ARID3C: variants seen among roughly 807,000 people sequenced by gnomAD.
ARID3C encodes the protein AT-rich interaction domain 3C.
Under a neutral mutation model 37.9 loss-of-function variants are expected in ARID3C, and 42 were observed. That is an observed-to-expected ratio of 1.11 (90% confidence interval 0.87 to 1.43). The LOEUF (loss-of-function observed/expected upper bound fraction) is 1.43. ARID3C is among the 40% of genes most tolerant of loss of function. ARID3C has a pLI of 0.00. For missense variants in ARID3C, 581 were observed against 548.8 expected (o/e 1.06, Z -0.59); for synonymous variants, 213 against 228.0 (o/e 0.93, Z 0.59).
At chr9:34,621,707 TG>T in intron 6 of ARID3C, 149 bp from the exon 8 acceptor site, 1 of 670,142 alleles carries the variant, frequency 1.5e-6, no homozygotes, top group South Asian at 1.9e-5. Context: ...ACAAGCTCCT[TG>T]GGTCAGTAAG....
intron 4 of ARID3C, among the ~76,000 whole-genome samples, chr9:34,623,159 A>G (rs1203899427): frequency 1.3e-5 from 2 of 150,906 alleles, no homozygotes; most frequent in Non-Finnish European, 3.0e-5. Flanking sequence ...AAAAAAAAAA[A>G]AAAAGAAAAA....
upstream of ARID3C, among the ~76,000 whole-genome samples, chr9:34,632,048 T>C (rs759217408): frequency 6.6e-5 from 10 of 152,272 alleles, no homozygotes; most frequent in Non-Finnish European, 1.5e-4. Context: ...CTGTTATTTA[T>C]GCCACATTAT....
At chr9:34,630,686 G>A (rs908216156), upstream of ARID3C, among the ~76,000 whole-genome samples, 1 of 152,016 alleles carries the variant, frequency 6.6e-6, no homozygotes, top group African/African-American at 2.4e-5. Context: ...TGCTCTCCCT[G>A]CCTCCAGCCG....
exon 3 of ARID3C, chr9:34,623,871 G>C (rs758739197): frequency 3.1e-6 from 5 of 1,596,142 alleles, no homozygotes; most frequent in Non-Finnish European, 4.2e-6. Flanking sequence ...CACTGGGTGC[G>C]TAGAGTGAAG....
chr9:34,629,073 G>A (rs1472430063), upstream of ARID3C, among the ~76,000 whole-genome samples: 1 of 152,058 alleles, frequency 6.6e-6, no homozygotes, highest in East Asian at 1.9e-4. Flanking sequence ...CGCTGCTTGC[G>A]GCGGCCGCGG....
upstream of ARID3C, among the ~76,000 whole-genome samples, chr9:34,631,693 T>C (rs1375423336): frequency 6.6e-6 from 1 of 152,200 alleles, no homozygotes; most frequent in East Asian, 1.9e-4. Context: ...CCTATTGCTG[T>C]GTAACAAATC....
chr9:34,628,286 A>T (rs77101490), upstream of ARID3C, among the ~76,000 whole-genome samples: 5,395 of 152,312 alleles, frequency 0.035, 135 homozygotes, highest in South Asian at 0.1. This position sits in a 1 kb window ranked among gnomAD's most constrained non-coding sequence, Gnocchi z 5.2. Context: ...GAGTGAGCAG[A>T]TCAGAGAGGG....
chr9:34,632,543 C>T (rs1012404576), upstream of ARID3C, among the ~76,000 whole-genome samples: 2 of 152,106 alleles, frequency 1.3e-5, no homozygotes, highest in African/African-American at 2.4e-5. Flanking sequence ...GCGTGAAGAT[C>T]AGTTAGGGGG....
In ARID3C at chr9:34,628,023, C is replaced by T. The variant is rs1482527858; in HGVS notation, c.-9G>A. 8 of 1,471,084 alleles carry T rather than the reference C, an allele frequency of 5.4e-6. No individual in the cohort carries two copies. Among genetic ancestry groups the T allele is most frequent in the Non-Finnish European group, 7.2e-6 (8 of 1,110,112 alleles). 91.1% of individuals were successfully genotyped at this position (1,471,084 alleles called of 1,614,324 possible). On this transcript the variant is annotated 5_prime_UTR_variant, in exon 1 of 7. Coordinates refer to ENST00000378909, the Ensembl canonical transcript of ARID3C. This position sits in a 1 kb window ranked among gnomAD's most constrained non-coding sequence, Gnocchi z 5.2. The stretch of plus-strand genomic sequence containing the variant: ...TTCTGCAGGGCCTCCATGACAGCTT[C>T]CAGGCGCAGTCCCCCAGCTGAGGGG...
Position 34,623,724 on chromosome 9 carries a change from G to C in ARID3C, c.576-10C>G. On this transcript the variant is annotated splice_polypyrimidine_tract_variant and intron_variant, in intron 3 of 6. Coordinates refer to ENST00000378909, the Ensembl canonical transcript of ARID3C. ...CAGGTACTTCATGTACCTAGGGGCG[G>C]ACAGCGGGCGGTGAGTGTATGGGAG... 1 of 1,518,776 alleles carries C rather than the reference G, an allele frequency of 6.6e-7. No individual in the cohort carries two copies. The highest frequency in any genetic ancestry group is 8.8e-7 in the Non-Finnish European group (1 of 1,134,242). The allele number at this position is 1,518,776 out of a possible 1,614,324, so 94.1% of individuals were successfully genotyped here.
exon 3 of ARID3C, chr9:34,623,890 G>C: frequency 6.2e-7 from 1 of 1,600,722 alleles, no homozygotes; most frequent in Non-Finnish European, 8.5e-7. Flanking sequence ...AGGCGGCCGA[G>C]GTGATGGTGG....
chr9:34,623,665 A>T, exon 4 of ARID3C: 2 of 1,585,508 alleles, frequency 1.3e-6, no homozygotes, highest in South Asian at 1.1e-5. Flanking sequence ...TCCCCTGGGG[A>T]GCTGAGCGCT....
Position 34,623,676 on chromosome 9 carries a change from C to G in ARID3C, c.614G>C (p.Arg205Pro), listed in dbSNP as rs1252466141. The G allele has an allele frequency of 2.5e-6, 4 of 1,578,718 alleles. No homozygotes were observed. The highest frequency in any genetic ancestry group is 2.3e-5 in the East Asian group (1 of 43,704). The change falls in exon 4 of 7, where the codon CGA becomes CCA. Residue 205 changes from arginine to proline, a missense_variant. Arg to Pro is a moderately radical substitution (Grantham distance 103). Transcript: ENST00000378909. ...GAGCTCCCCTGGGGAGCTGAGCGCT[C>G]GAGTCTCGCACTCGTACGGGTACAG...
intron 2 of ARID3C, among the ~76,000 whole-genome samples, chr9:34,625,385 C>A (rs1023359886): frequency 1.3e-5 from 2 of 152,168 alleles, no homozygotes; most frequent in African/African-American, 4.8e-5. Context: ...CGTGAGGTGT[C>A]CCCTGCCTGA....
chr9:34,632,139 A>C (rs1322446214), upstream of ARID3C, among the ~76,000 whole-genome samples: 2 of 152,212 alleles, frequency 1.3e-5, no homozygotes, highest in African/African-American at 4.8e-5. Context: ...GAGCATCAAA[A>C]ATTTTGTGAA....
At chr9:34,624,969 C>T (rs1820634419) in intron 2 of ARID3C, among the ~76,000 whole-genome samples, 1 of 151,964 alleles carries the variant, frequency 6.6e-6, no homozygotes, top group African/African-American at 2.4e-5. Flanking sequence ...GGACTTAGGT[C>T]CCTACTGAGG....
exon 1 of ARID3C, chr9:34,627,892 A>C: frequency 6.4e-7 from 1 of 1,563,522 alleles, no homozygotes; most frequent in Non-Finnish European, 8.7e-7. Context: ...AGGCCCCCTC[A>C]GGGGCCTGTA....
chr9:34,623,295 C>T, intron 4 of ARID3C, 130 bp downstream of exon 5: 3 of 1,151,992 alleles, frequency 2.6e-6, no homozygotes, highest in Non-Finnish European at 3.5e-6. Flanking sequence ...CTCAGAAGCC[C>T]GTCAGACCTT....
upstream of ARID3C, among the ~76,000 whole-genome samples, chr9:34,632,038 C>T (rs1200770586): frequency 6.6e-6 from 1 of 152,234 alleles, no homozygotes; most frequent in African/African-American, 2.4e-5. Context: ...AAGTCACACA[C>T]TGTTATTTAT....
Sources: allele counts gnomAD v4.1 joint callset (sites outside exome capture counted in the v4.1 genomes callset), GRCh38; gene constraint gnomAD v4.1.1; non-coding constraint Gnocchi (gnomAD v3.1); transcripts MANE v1.5; gene names NCBI Gene and HGNC (gene_info 2026-07-23, HGNC 2026-07-21).